Variants in MYL1 observed in about 807,000 individuals in gnomAD.
MYL1 encodes myosin light chain 1/3, skeletal muscle isoform.
A neutral mutation model predicts 21.8 loss-of-function variants in MYL1; 16 were observed. The ratio of observed to expected loss-of-function variants is 0.74; its 90% CI spans 0.50 to 1.12. MYL1 has a LOEUF of 1.12. Ranked by LOEUF, MYL1 falls within the 50% of genes most tolerant of loss-of-function variation. MYL1 has a pLI of 0.00. For synonymous variants in MYL1, 99 were observed against 85.2 expected (o/e 1.16, Z -0.89); for missense variants, 246 against 241.0 (o/e 1.02, Z -0.14).
intron 2 of MYL1, among the ~76,000 whole-genome samples, chr2:210,302,144 T>G (rs1239562751): frequency 1.5e-4 from 23 of 152,196 alleles, no homozygotes; most frequent in Admixed American, 1.5e-3. Flanking sequence ...CTTTAAGGAT[T>G]ATATTAGCAA....
intron 1 of MYL1, among the ~76,000 whole-genome samples, chr2:210,309,910 C>A (rs971175100): frequency 1.3e-5 from 2 of 152,038 alleles, no homozygotes; most frequent in African/African-American, 4.8e-5. Flanking sequence ...TTCAAAGCTG[C>A]ATTTTCCTTT....
At chr2:210,296,421 T>C (rs1690175323) in intron 3 of MYL1, among the ~76,000 whole-genome samples, 1 of 152,198 alleles carries the variant, frequency 6.6e-6, no homozygotes, top group South Asian at 2.1e-4. Context: ...TTTACTGACC[T>C]CTGGCTATGT....
rs766868066 is a variant in MYL1, at chr2:210,293,740, C to G, written c.539G>C (p.Gly180Ala). Reference sequence around the variant, plus strand: ...GATTCTACCTTCGTAGTTGATGCAGCCATTGGAGTCTTCTTGACCTGCCAT... The same window carrying G: ...GATTCTACCTTCGTAGTTGATGCAGGCATTGGAGTCTTCTTGACCTGCCAT... Reference protein sequence around the residue: ...ALMAGQEDSNGCINYEAFVKH... With the variant: ...ALMAGQEDSNACINYEAFVKH... Residue 180 changes from glycine to alanine, a missense_variant, in exon 5 of 7, where the codon GGC becomes GCC. Transcript: ENST00000352451. The G allele has an allele frequency of 5.0e-6, 8 of 1,613,870 alleles. No homozygotes were observed. The East Asian group carries it at 1.8e-4, about 36-fold the overall frequency.
chr2:210,311,575 C>T (rs1690420575), intron 1 of MYL1, among the ~76,000 whole-genome samples: 1 of 152,020 alleles, frequency 6.6e-6, no homozygotes, highest in Non-Finnish European at 1.5e-5. Context: ...ACATGATTCA[C>T]AATCCTATCA....
chr2:210,310,057 C>G (rs1034861582), intron 1 of MYL1, among the ~76,000 whole-genome samples: 1 of 151,976 alleles, frequency 6.6e-6, no homozygotes, highest in Non-Finnish European at 1.5e-5. Context: ...ATACTGATAC[C>G]TAGTGATAGT....
Position 210,303,673 on chromosome 2 carries a change from T to C in MYL1, c.133-1158A>G, listed in dbSNP as rs2125742479. On this transcript the variant is annotated intron_variant, in intron 1 of 6. Coordinates refer to ENST00000352451, the MANE Select transcript of MYL1 (RefSeq NM_079420.3). ...TCTGGGCAAGCTTTGACCTCACAGC[T>C]AGCATCAGGTTTCAGAGATAAGTTG... 16 of 1,375,370 alleles carry C rather than the reference T, an allele frequency of 1.2e-5. 1 individual carries two copies. The Middle Eastern group carries it at 9.5e-4, about 81-fold the overall frequency. 85.2% of individuals were successfully genotyped at this position (1,375,370 alleles called of 1,614,324 possible).
intron 1 of MYL1, among the ~76,000 whole-genome samples, chr2:210,311,444 G>C (rs1386065107): frequency 6.6e-6 from 1 of 151,990 alleles, no homozygotes; most frequent in Non-Finnish European, 1.5e-5. Context: ...TTATTTGATA[G>C]TTTCTGTCAA....
intron 3 of MYL1, among the ~76,000 whole-genome samples, chr2:210,296,670 T>C (rs1350064889): frequency 6.6e-6 from 1 of 152,092 alleles, no homozygotes; most frequent in Non-Finnish European, 1.5e-5. Context: ...GTGGTGCACA[T>C]CTGTAGTCTT....
At chr2:210,293,841 G>A in intron 4 of MYL1, 41 bp from the exon 5 acceptor site, 1 of 1,585,624 alleles carries the variant, frequency 6.3e-7, no homozygotes, top group Non-Finnish European at 8.7e-7. Context: ...AAGGCCATGT[G>A]TTATTTTCAA....
intron 2 of MYL1, among the ~76,000 whole-genome samples, chr2:210,301,157 G>T (rs1393678260): frequency 6.6e-6 from 1 of 152,114 alleles, no homozygotes; most frequent in Non-Finnish European, 1.5e-5. Context: ...GGACTGGGAT[G>T]CAGTAGGTGA....
rs181062143 is a variant in MYL1, at chr2:210,307,388, T to G, written c.133-4873A>C. On this transcript the variant is annotated intron_variant, in intron 1 of 6. Transcript: ENST00000352451. Reference sequence around the variant, plus strand: ...TAAAATTATTAGAACATGTATATCCTAAGCTCCCCCTTCAAATATAAACTT... The same window carrying G: ...TAAAATTATTAGAACATGTATATCCGAAGCTCCCCCTTCAAATATAAACTT... Among the ~76,000 whole-genome samples the G allele has an allele frequency of 8.7e-3, 1,322 of 152,352 alleles. 10 individuals are homozygous for G. The highest frequency in any genetic ancestry group is 0.012 in the Non-Finnish European group (831 of 68,034).
chr2:210,311,886 A>G (rs1690424464), intron 1 of MYL1, among the ~76,000 whole-genome samples: 2 of 151,976 alleles, frequency 1.3e-5, no homozygotes, highest in Non-Finnish European at 2.9e-5. Context: ...TTCAAATATC[A>G]ACAGTATTTT....
chr2:210,293,868 T>A, intron 4 of MYL1, 68 bp from the exon 5 acceptor site: 1 of 1,376,184 alleles, frequency 7.3e-7, no homozygotes, highest in Non-Finnish European at 1.0e-6. Flanking sequence ...CCATAGGTCA[T>A]CAGTCAAGGG....
chr2:210,302,780 C>A, intron 1 of MYL1: 1 of 1,565,784 alleles, frequency 6.4e-7, no homozygotes, highest in Non-Finnish European at 8.7e-7. Flanking sequence ...GCAATCTGGT[C>A]AGCACTGAAG....
At chr2:210,295,479 C>T (rs1316745522) in intron 3 of MYL1, among the ~76,000 whole-genome samples, 3 of 151,494 alleles carry the variant, frequency 2.0e-5, no homozygotes, top group Non-Finnish European at 4.4e-5. Context: ...ACAAAAAAAA[C>T]AAAAACAAAA....
At chr2:210,293,344 T>A (rs1035790149) in intron 5 of MYL1, among the ~76,000 whole-genome samples, 1 of 152,188 alleles carries the variant, frequency 6.6e-6, no homozygotes, top group African/African-American at 2.4e-5. Flanking sequence ...ACCAAGTAAC[T>A]AAACCTATTT....
chr2:210,298,363 C>CACACACAT, intron 3 of MYL1, 57 bp downstream of exon 3: 1 of 1,591,570 alleles, frequency 6.3e-7, no homozygotes, highest in Non-Finnish European at 8.6e-7. Context: ...CACACACACA[C>CACACACAT]ACACTGCTAC....
chr2:210,299,178 G>T (rs1029899853), intron 2 of MYL1, among the ~76,000 whole-genome samples: 11 of 152,252 alleles, frequency 7.2e-5, no homozygotes, highest in African/African-American at 2.6e-4. Flanking sequence ...TTCAGAAGGA[G>T]AAATATTTGT....
intron 1 of MYL1, chr2:210,303,520 A>G: frequency 6.2e-7 from 1 of 1,606,926 alleles, no homozygotes; most frequent in Non-Finnish European, 8.5e-7. Context: ...TAAATGACAA[A>G]TTATTGTCTC....
Sources: gnomAD v4.1 joint callset for allele counts (sites outside exome capture counted in the v4.1 genomes callset) on GRCh38, gnomAD v4.1.1 for gene constraint, MANE v1.5 for transcripts, NCBI Gene and HGNC (gene_info 2026-07-23, HGNC 2026-07-21) for gene names.